Variants in BTBD9 observed in about 807,000 individuals in gnomAD.
The protein encoded by BTBD9 is BTB domain containing 9.
A neutral mutation model predicts 64.3 loss-of-function variants in BTBD9; 49 were observed. The ratio of observed to expected loss-of-function variants is 0.76; its 90% CI spans 0.61 to 0.97. The LOEUF is 0.97. BTBD9 is among the 50% of genes least tolerant of loss of function. BTBD9 has a pLI of 0.00. For missense variants in BTBD9, 598 were observed against 762.1 expected (o/e 0.78, Z 2.53); for synonymous variants, 260 against 274.7 (o/e 0.95, Z 0.53).
chr6:38,243,351 A>G (rs1444403395), intron 9 of BTBD9, among the ~76,000 whole-genome samples: 1 of 152,210 alleles, frequency 6.6e-6, no homozygotes, highest in African/African-American at 2.4e-5. Flanking sequence ...TAAGGATCGG[A>G]GGCTTTCCTC....
intron 9 of BTBD9, among the ~76,000 whole-genome samples, chr6:38,245,307 T>C (rs1764146067): frequency 1.3e-5 from 2 of 152,168 alleles, no homozygotes; most frequent in Admixed American, 1.3e-4. Context: ...ACACAGTGAT[T>C]TGATCAAGAT....
At chr6:38,609,579 CAG>C (rs1171120657) in intron 1 of BTBD9, among the ~76,000 whole-genome samples, 1 of 152,098 alleles carries the variant, frequency 6.6e-6, no homozygotes, top group African/African-American at 2.4e-5. Context: ...AAAAAAGACA[CAG>C]AATATATTTT....
At chr6:38,410,531 T>G (rs1767376811) in intron 6 of BTBD9, among the ~76,000 whole-genome samples, 1 of 152,222 alleles carries the variant, frequency 6.6e-6, no homozygotes, top group Non-Finnish European at 1.5e-5. Flanking sequence ...TCTCAAAAAC[T>G]TAGCATTTTT....
At chr6:38,192,946 C>T (rs1762142303) in intron 9 of BTBD9, among the ~76,000 whole-genome samples, 1 of 151,608 alleles carries the variant, frequency 6.6e-6, no homozygotes. Flanking sequence ...GGGAGATATA[C>T]CTAATGTTAG....
intron 1 of BTBD9, among the ~76,000 whole-genome samples, chr6:38,612,599 T>C (rs550201442): frequency 1.8e-4 from 27 of 152,342 alleles, no homozygotes; most frequent in African/African-American, 6.3e-4. Context: ...TGCCTATTTA[T>C]TCCCAAGATG....
chr6:38,327,617 A>G (rs528993023), intron 7 of BTBD9, among the ~76,000 whole-genome samples: 14 of 152,200 alleles, frequency 9.2e-5, no homozygotes, highest in Admixed American at 3.3e-4. Context: ...TTAAGTGTAC[A>G]ATGTGAGTCC....
intron 6 of BTBD9, among the ~76,000 whole-genome samples, chr6:38,448,508 T>G (rs1327501494): frequency 6.6e-6 from 1 of 152,308 alleles, no homozygotes; most frequent in East Asian, 1.9e-4. Flanking sequence ...TTTTTTTGCT[T>G]GCATATCATC....
At chr6:38,306,886 T>G (rs1156497272) in intron 7 of BTBD9, among the ~76,000 whole-genome samples, 1 of 152,230 alleles carries the variant, frequency 6.6e-6, no homozygotes, top group African/African-American at 2.4e-5. Context: ...CTGGGCTTTA[T>G]TCAATGTTTC....
At chr6:38,431,438 T>C (rs1359804803) in intron 6 of BTBD9, among the ~76,000 whole-genome samples, 1 of 152,184 alleles carries the variant, frequency 6.6e-6, no homozygotes, top group Non-Finnish European at 1.5e-5. Context: ...GTTTCACAGA[T>C]GAGGAAATTG....
At chr6:38,450,642 AC>A (rs1769494602) in intron 6 of BTBD9, among the ~76,000 whole-genome samples, 1 of 152,218 alleles carries the variant, frequency 6.6e-6, no homozygotes, top group East Asian at 1.9e-4. Flanking sequence ...AGATTTAAGT[AC>A]TAACTGAATG....
rs79175077 is a variant in BTBD9 at position 38,628,185 on chromosome 6, C to T, written c.-28+11615G>A. On this transcript the variant is annotated intron_variant, in intron 1 of 10. Transcript: ENST00000481247. The stretch of plus-strand genomic sequence containing the variant: ...GAACCATGTTAACATTTCACATACT[C>T]AAAAAAGGACAATAAATAAAATGAA... Among the ~76,000 whole-genome samples, 335 of 152,076 alleles carry T rather than the reference C, an allele frequency of 2.2e-3. 6 individuals carry two copies. In the East Asian group the frequency reaches 0.037, roughly 17 times the overall value.
chr6:38,633,351 T>C (rs1406635313), intron 1 of BTBD9, among the ~76,000 whole-genome samples: 1 of 152,244 alleles, frequency 6.6e-6, no homozygotes, highest in African/African-American at 2.4e-5. Flanking sequence ...GTTCCCATTC[T>C]GGAACTCAGT....
At chr6:38,281,339 T>C (rs1460397929) in intron 8 of BTBD9, among the ~76,000 whole-genome samples, 1 of 151,918 alleles carries the variant, frequency 6.6e-6, no homozygotes, top group Non-Finnish European at 1.5e-5. Flanking sequence ...CACACAATAG[T>C]GAAAGGACAA....
At chr6:38,192,427 G>A (rs1158176489) in intron 10 of BTBD9, 92 bp downstream of exon 10, 1 of 1,184,626 alleles carries the variant, frequency 8.4e-7, no homozygotes, top group Admixed American at 1.9e-5. Flanking sequence ...GCCATTAGCA[G>A]GCAGAACAAA....
At chr6:38,400,938 G>A (rs764744578) in intron 6 of BTBD9, among the ~76,000 whole-genome samples, 1 of 152,112 alleles carries the variant, frequency 6.6e-6, no homozygotes, top group Non-Finnish European at 1.5e-5. Context: ...CTTTAAACCA[G>A]GCTAATTACT....
At chr6:38,565,990 CAGTT>C (rs1219265084) in intron 6 of BTBD9, 1 of 152,116 alleles carries the variant, frequency 6.6e-6, no homozygotes, top group African/African-American at 2.4e-5. Flanking sequence ...TGTTCACAGT[CAGTT>C]ACAGATCGAA....
chr6:38,250,283 T>C (rs758695193), intron 9 of BTBD9, among the ~76,000 whole-genome samples: 31 of 152,120 alleles, frequency 2.0e-4, no homozygotes, highest in Non-Finnish European at 3.8e-4. Context: ...CTGTTCAAAA[T>C]CAACCAATGA....
intron 6 of BTBD9, among the ~76,000 whole-genome samples, chr6:38,450,340 C>CTACTG (rs986035059): frequency 6.6e-6 from 1 of 152,162 alleles, no homozygotes; most frequent in African/African-American, 2.4e-5. Context: ...TTCAAGAGAT[C>CTACTG]TACTGTACAG....
At chr6:38,189,569 C>A (rs1761962852) in intron 10 of BTBD9, among the ~76,000 whole-genome samples, 1 of 152,180 alleles carries the variant, frequency 6.6e-6, no homozygotes, top group African/African-American at 2.4e-5. Flanking sequence ...TAGCTCACTG[C>A]AGCCTCGAAC....
Sources: gnomAD v4.1 joint callset for allele counts (sites outside exome capture counted in the v4.1 genomes callset) on GRCh38, gnomAD v4.1.1 for gene constraint, MANE v1.5 for transcripts, NCBI Gene and HGNC (gene_info 2026-07-23, HGNC 2026-07-21) for gene names.